CADM2: variants seen among roughly 807,000 people sequenced by gnomAD.
CADM2 encodes the protein immunoglobulin superfamily member 4D.
A neutral mutation model predicts 49.8 loss-of-function variants in CADM2; 12 were observed. That is an observed-to-expected ratio of 0.24 (90% CI 0.15 to 0.39). The LOEUF is 0.39. Among genes scored for constraint, CADM2 ranks in the 10% least tolerant of loss-of-function variants. CADM2 has a pLI of 1.00. For missense variants in CADM2, 378 were observed against 492.3 expected (o/e 0.77, Z 2.20); for synonymous variants, 214 against 175.4 (o/e 1.22, Z -1.74).
intron 1 of CADM2, among the ~76,000 whole-genome samples, chr3:85,394,095 T>A (rs191263418): frequency 5.9e-5 from 9 of 152,288 alleles, no homozygotes; most frequent in Admixed American, 5.9e-4. Flanking sequence ...GCGCCTGGCC[T>A]GAAATAGTTA....
intron 5 of CADM2, among the ~76,000 whole-genome samples, chr3:85,905,976 G>C (rs1716747364): frequency 6.6e-6 from 1 of 152,236 alleles, no homozygotes; most frequent in African/African-American, 2.4e-5. Context: ...GACATGTGCT[G>C]AGTGCTGCAG....
At chr3:85,095,377 G>C (rs1445974097) in intron 1 of CADM2, among the ~76,000 whole-genome samples, 9 of 152,134 alleles carry the variant, frequency 5.9e-5, no homozygotes, top group Admixed American at 5.9e-4. Context: ...ATTCTAGGCT[G>C]ACTCAGATGG....
At chr3:85,365,733 A>T (rs2032737377) in intron 1 of CADM2, among the ~76,000 whole-genome samples, 1 of 152,214 alleles carries the variant, frequency 6.6e-6, no homozygotes, top group South Asian at 2.1e-4. Context: ...TCAAGCACAC[A>T]TGCAGACAGA....
chr3:85,388,195 A>C (rs903748470), intron 1 of CADM2, among the ~76,000 whole-genome samples: 34 of 152,130 alleles, frequency 2.2e-4, no homozygotes, highest in Non-Finnish European at 4.6e-4. Context: ...TGCCTGGCCA[A>C]TTTTATTTTT....
intron 1 of CADM2, among the ~76,000 whole-genome samples, chr3:85,488,870 C>T (rs77461261): frequency 0.013 from 1,981 of 152,128 alleles, 16 homozygotes; most frequent in Non-Finnish European, 0.019. Context: ...CAAGTGAGGA[C>T]TGAGGCTATG....
At chr3:85,651,693 A>G (rs567593357) in intron 1 of CADM2, among the ~76,000 whole-genome samples, 2 of 152,258 alleles carry the variant, frequency 1.3e-5, no homozygotes, top group Non-Finnish European at 2.9e-5. Context: ...AGGTCATACT[A>G]ATGTAGGATA....
At chr3:85,917,019 T>TTTG (rs1718436919) in intron 6 of CADM2, among the ~76,000 whole-genome samples, 1 of 150,688 alleles carries the variant, frequency 6.6e-6, no homozygotes. Flanking sequence ...TGATGGGGTT[T>TTTG]TTTTTTATTG....
At chr3:84,960,368 A>G (rs1160486499) in intron 1 of CADM2, 3 of 152,206 alleles carry the variant, frequency 2.0e-5, no homozygotes, top group Non-Finnish European at 4.4e-5. Context: ...AAATGAGTGA[A>G]TGAATGAATA....
intron 1 of CADM2, among the ~76,000 whole-genome samples, chr3:85,012,374 C>A (rs997031656): frequency 6.6e-6 from 1 of 150,428 alleles, no homozygotes; most frequent in East Asian, 1.9e-4. Context: ...ATTTCCAATA[C>A]AGCCTAATGT....
intron 2 of CADM2, among the ~76,000 whole-genome samples, chr3:85,775,040 A>C (rs1195816848): frequency 6.6e-6 from 1 of 151,794 alleles, no homozygotes; most frequent in Non-Finnish European, 1.5e-5. Flanking sequence ...AATCATGAAG[A>C]TAAGCCCTTT....
intron 1 of CADM2, among the ~76,000 whole-genome samples, chr3:85,468,027 G>A (rs1200358424): frequency 2.0e-5 from 3 of 151,274 alleles, no homozygotes; most frequent in African/African-American, 4.9e-5. Context: ...AGTGGCGGGC[G>A]CCTGTAGTCC....
At chr3:85,714,795 A>G (rs1038852319) in intron 1 of CADM2, among the ~76,000 whole-genome samples, 1 of 151,972 alleles carries the variant, frequency 6.6e-6, no homozygotes, top group African/African-American at 2.4e-5. Context: ...TCCCCTCGTT[A>G]AGATGATGCT....
intron 1 of CADM2, among the ~76,000 whole-genome samples, chr3:85,025,914 C>A (rs1472577925): frequency 6.6e-6 from 1 of 151,818 alleles, no homozygotes. Context: ...AAAATTAGGT[C>A]CATAAACGTG....
chr3:86,024,224 C>T (rs1577984463), intron 8 of CADM2, among the ~76,000 whole-genome samples: 1 of 152,282 alleles, frequency 6.6e-6, no homozygotes, highest in African/African-American at 2.4e-5. Flanking sequence ...TTTAACAGGC[C>T]TAAGCCATAT....
At chr3:85,448,316 G>A (rs1309147020) in intron 1 of CADM2, among the ~76,000 whole-genome samples, 1 of 129,968 alleles carries the variant, frequency 7.7e-6, no homozygotes, top group African/African-American at 3.1e-5. Context: ...CTGGGCGACA[G>A]AGCAAGATTC....
chr3:85,535,885 T>C (rs73130364), intron 1 of CADM2, among the ~76,000 whole-genome samples: 77,709 of 151,822 alleles, frequency 0.51, 22,947 homozygotes, highest in East Asian at 0.85. Flanking sequence ...AGCTGTCGTA[T>C]GGTAATGCTG....
intron 3 of CADM2, among the ~76,000 whole-genome samples, chr3:85,835,940 G>A (rs1012426419): frequency 1.3e-5 from 2 of 150,602 alleles, no homozygotes; most frequent in Non-Finnish European, 3.0e-5. Context: ...TTAATTCCTG[G>A]CTATAAAGCA....
intron 1 of CADM2, among the ~76,000 whole-genome samples, chr3:85,021,121 A>C (rs1301294898): frequency 2.7e-5 from 4 of 150,594 alleles, no homozygotes; most frequent in Admixed American, 6.6e-5. Flanking sequence ...TGTCTCAAAA[A>C]AAAAAAAAAA....
intron 8 of CADM2, among the ~76,000 whole-genome samples, chr3:86,005,161 T>A (rs1326485555): frequency 1.3e-5 from 2 of 152,204 alleles, no homozygotes; most frequent in Non-Finnish European, 2.9e-5. Context: ...GGCTCTGCTT[T>A]TAATACATTA....
Sources: allele counts gnomAD v4.1 joint callset (sites outside exome capture counted in the v4.1 genomes callset), GRCh38; gene constraint gnomAD v4.1.1; transcripts MANE v1.5; gene names NCBI Gene and HGNC (gene_info 2026-07-23, HGNC 2026-07-21).